The following NPHP4 variants were observed in gnomAD, a reference collection of about 807,000 sequenced individuals.
The protein encoded by NPHP4 is nephrocystin 4.
A neutral mutation model predicts 155.8 loss-of-function variants in NPHP4; 151 were observed. The observed-to-expected ratio is 0.97, with a 90% CI of 0.85 to 1.11. NPHP4 has a LOEUF of 1.11. Among genes scored for constraint, NPHP4 ranks in the 50% least tolerant of loss-of-function variants. NPHP4 has a pLI of 0.00. For missense variants in NPHP4, 1,956 were observed against 1,925.7 expected (o/e 1.02, Z -0.29); for synonymous variants, 845 against 816.8 (o/e 1.03, Z -0.59).
chr1:5,934,860 G>A (rs961044739), intron 9 of NPHP4, among the ~76,000 whole-genome samples: 2 of 152,192 alleles, frequency 1.3e-5, no homozygotes, highest in African/African-American at 4.8e-5. Context: ...CCCTGGGAGC[G>A]AAGGAGGAGG....
At position 5,944,708 on chromosome 1, in the gene NPHP4, G is replaced by A. The variant is rs1646998227; in HGVS notation, c.1119+2396C>T. Among the ~76,000 whole-genome samples, 2 of 152,220 alleles carry A rather than the reference G, an allele frequency of 1.3e-5. No homozygotes were observed. Among genetic ancestry groups the A allele is most frequent in the South Asian group, 2.1e-4 (1 of 4,832 alleles). ...TGACTGGCCGGGCGCGGTGGTTCAC[G>A]TCTGGAACCTGAGCACTTTGGGAGG... On this transcript the variant is annotated intron_variant, in intron 9 of 29. Transcript: ENST00000378156. The surrounding 1 kb of genome is among the most constrained non-coding windows in gnomAD (Gnocchi z 4.3).
chr1:5,979,750 G>A (rs1331773395), intron 2 of NPHP4, among the ~76,000 whole-genome samples: 1 of 152,006 alleles, frequency 6.6e-6, no homozygotes, highest in Admixed American at 6.5e-5. Context: ...CTGTCCTCAA[G>A]TGACCCGCCC....
At chr1:5,878,683 G>A (rs1642875257) in intron 19 of NPHP4, among the ~76,000 whole-genome samples, 1 of 152,210 alleles carries the variant, frequency 6.6e-6, no homozygotes, top group Non-Finnish European at 1.5e-5. Context: ...GGGTCTGGAG[G>A]ATCACTGACC....
At chr1:5,924,604 G>T (rs1011960403) in intron 11 of NPHP4, among the ~76,000 whole-genome samples, 1 of 152,118 alleles carries the variant, frequency 6.6e-6, no homozygotes, top group African/African-American at 2.4e-5. Context: ...TGATTAGAAG[G>T]TCTTCAAAAC....
chr1:5,948,641 C>T (rs1647296830), intron 7 of NPHP4, among the ~76,000 whole-genome samples: 1 of 152,108 alleles, frequency 6.6e-6, no homozygotes, highest in Non-Finnish European at 1.5e-5. Flanking sequence ...CAGAGCCCCC[C>T]TTTCCCAGAG....
At chr1:5,863,640 GCTGT>G (rs1640870481) in intron 29 of NPHP4, 1 of 620,866 alleles carries the variant, frequency 1.6e-6, no homozygotes, top group Non-Finnish European at 2.8e-6. Flanking sequence ...CCGAGACTGA[GCTGT>G]CTAACATTAC....
rs569951485 is a variant in NPHP4 at position 5,878,557 on chromosome 1, C to T, written c.2612-1259G>A. The stretch of plus-strand genomic sequence containing the variant: ...GTGAAACTGCACTTGGGGTAAGGCA[C>T]GAAGCACTGAGAACCTTCTTAAAAT... On this transcript the variant is annotated intron_variant, in intron 19 of 29. Transcript: ENST00000378156. 1.8e-4 allele frequency among the ~76,000 whole-genome samples: 27 copies of T among 152,342 alleles called. No individual in the cohort carries two copies. The South Asian group carries it at 1.9e-3, about 11-fold the overall frequency.
chr1:5,889,041 GGCTAGGGGTCACACTGAAGGCA>G lies in NPHP4; in HGVS notation c.2305-1597_2305-1576del, dbSNP rs1643972582. 5.9e-5 allele frequency among the ~76,000 whole-genome samples: 9 copies of G among 152,322 alleles called. 1 individual carries two copies. The South Asian group carries it at 1.9e-3, about 32-fold the overall frequency. On this transcript the variant is annotated intron_variant, in intron 17 of 29. Coordinates refer to ENST00000378156, the MANE Select transcript of NPHP4 (RefSeq NM_015102.5). This position sits in a 1 kb window ranked among gnomAD's most constrained non-coding sequence, Gnocchi z 4.2. The stretch of plus-strand genomic sequence containing the variant: ...TAAAAACAGAACTGCCCCAGGGCTG[GGCTAGGGGTCACACTGAAGGCA>G]GCACAGGAGCCGTCCGTCCCTAGAG...
At chr1:5,951,092 C>T (rs560365413) in intron 7 of NPHP4, among the ~76,000 whole-genome samples, 47 of 152,274 alleles carry the variant, frequency 3.1e-4, no homozygotes, top group South Asian at 2.1e-3. Context: ...CATCGATAGG[C>T]GGTAGAACCA....
At chr1:5,971,686 C>T (rs1372627450) in intron 3 of NPHP4, among the ~76,000 whole-genome samples, 1 of 152,174 alleles carries the variant, frequency 6.6e-6, no homozygotes, top group Non-Finnish European at 1.5e-5. Flanking sequence ...CAGGCAGCAC[C>T]CAGCTGAGGA....
At chr1:5,869,726 C>G (rs113775678) in intron 23 of NPHP4, among the ~76,000 whole-genome samples, 7 of 152,222 alleles carry the variant, frequency 4.6e-5, no homozygotes, top group African/African-American at 1.4e-4. Context: ...ATAAAGATGG[C>G]CAGTGGTATT....
chr1:5,874,816 C>T, intron 21 of NPHP4, 58 bp downstream of exon 21: 1 of 1,563,716 alleles, frequency 6.4e-7, no homozygotes, highest in Non-Finnish European at 8.8e-7. Flanking sequence ...AGCAGGGGTG[C>T]CGGCTGCACC....
At chr1:5,864,945 GC>G (rs1329424067) in intron 27 of NPHP4, 156 bp downstream of exon 27, 2 of 678,626 alleles carry the variant, frequency 2.9e-6, no homozygotes, top group Non-Finnish European at 5.1e-6. Flanking sequence ...CTAACGAAAG[GC>G]AACTGCCGAG....
intron 7 of NPHP4, among the ~76,000 whole-genome samples, chr1:5,951,194 G>A: frequency 6.6e-6 from 1 of 152,222 alleles, no homozygotes; most frequent in Middle Eastern, 3.2e-3. Context: ...GGCTCTGAGG[G>A]TGCCTCTGTG....
intron 11 of NPHP4, among the ~76,000 whole-genome samples, chr1:5,912,537 C>CAAAAAA (rs752371714): frequency 1.8e-4 from 14 of 77,826 alleles, no homozygotes; most frequent in South Asian, 5.1e-4. Flanking sequence ...GACTCCGTCT[C>CAAAAAA]AAAAAAAAAA....
chr1:5,969,606 G>C (rs530059329), intron 3 of NPHP4, among the ~76,000 whole-genome samples: 96 of 152,294 alleles, frequency 6.3e-4, no homozygotes, highest in Non-Finnish European at 1.2e-3. Flanking sequence ...AATGGGGCTA[G>C]AGCAGCTATG....
chr1:5,934,105 G>A (rs563149319), intron 9 of NPHP4, among the ~76,000 whole-genome samples: 61 of 152,230 alleles, frequency 4.0e-4, no homozygotes, highest in Non-Finnish European at 4.1e-4. Context: ...GCTAAACCCC[G>A]GTCTTTTTTG....
At chr1:5,869,043 A>C (rs1412606080) in intron 23 of NPHP4, among the ~76,000 whole-genome samples, 9 of 125,124 alleles carry the variant, frequency 7.2e-5, no homozygotes, top group Non-Finnish European at 1.0e-4. Context: ...ACATGCACAC[A>C]TGCCCCCACA....
At chr1:5,870,555 G>A (rs1349137349) in intron 23 of NPHP4, among the ~76,000 whole-genome samples, 1 of 152,022 alleles carries the variant, frequency 6.6e-6, no homozygotes, top group Non-Finnish European at 1.5e-5. Flanking sequence ...TGAAGAATAG[G>A]GTATTTGAAC....
Sources: gnomAD v4.1 joint callset for allele counts (sites outside exome capture counted in the v4.1 genomes callset) on GRCh38, gnomAD v4.1.1 for gene constraint, Gnocchi (gnomAD v3.1) non-coding constraint, MANE v1.5 for transcripts, NCBI Gene and HGNC (gene_info 2026-07-23, HGNC 2026-07-21) for gene names.